The following SYT7 variants were observed in gnomAD, a reference collection of about 807,000 sequenced individuals.
The protein encoded by SYT7 is synaptotagmin 7, also known as synaptotagmin-7.
SYT7 carries 29 observed loss-of-function variants against 75.1 expected under a neutral mutation model. The observed-to-expected ratio is 0.39, with a 90% CI of 0.29 to 0.53. The LOEUF is 0.53. Ranked by LOEUF, SYT7 falls within the 20% of genes least tolerant of loss-of-function variation. The probability of loss-of-function intolerance (pLI) is 0.77; values close to 1 mark genes in which losing one functional copy is unlikely to be tolerated. For synonymous variants in SYT7, 376 were observed against 401.7 expected, an observed-to-expected ratio of 0.94 and a Z score of 0.76; for missense variants, 693 against 953.2, an observed-to-expected ratio of 0.73 and a Z score of 3.59.
At chr11:61,547,767 A>G (rs2063235421) in intron 3 of SYT7, among the ~76,000 whole-genome samples, 1 of 152,152 alleles carries the variant, frequency 6.6e-6, no homozygotes, top group African/African-American at 2.4e-5. Flanking sequence ...CCCAGGTGCC[A>G]ACTTGCTGGG....
At position 61,518,504 on chromosome 11, in the gene SYT7, G is replaced by A; in HGVS notation, c.*123C>T. On this transcript the variant is annotated 3_prime_UTR_variant, in exon 13 of 13. Transcript: ENST00000539008. Reference sequence around the variant, plus strand: ...CAGTTGAGTCCTGGGACCCCTCCCTGGCTGAGCCCTCAGGGTCCTCCCCTC... The same window carrying A: ...CAGTTGAGTCCTGGGACCCCTCCCTAGCTGAGCCCTCAGGGTCCTCCCCTC... The A allele has an allele frequency of 1.6e-6, 1 of 629,462 alleles. No individual in the cohort carries two copies. The highest frequency in any genetic ancestry group is 2.6e-6 in the Non-Finnish European group (1 of 386,672). 39.0% of individuals were successfully genotyped at this position (629,462 alleles called of 1,614,324 possible). A position where few individuals can be genotyped will look rare whatever the true frequency, so the allele number is the denominator to read the frequency against.
chr11:61,574,600 G>A (rs939573261), intron 1 of SYT7, among the ~76,000 whole-genome samples: 31 of 151,854 alleles, frequency 2.0e-4, no homozygotes, highest in Non-Finnish European at 2.8e-4. Flanking sequence ...GGGTCCCTTG[G>A]CTGCCATCCC....
chr11:61,524,000 C>G lies in SYT7; in HGVS notation c.1642-59G>C, dbSNP rs2062430326. 6.6e-7 allele frequency: 1 copy of G among 1,514,654 alleles called. No individual in the cohort carries two copies. The highest frequency in any genetic ancestry group is 1.1e-5 in the South Asian group (1 of 88,240). 93.8% of individuals were successfully genotyped at this position (1,514,654 alleles called of 1,614,324 possible). A position where few individuals can be genotyped will look rare whatever the true frequency, so the allele number is the denominator to read the frequency against. On this transcript the variant is annotated intron_variant, in intron 10 of 12. Transcript: ENST00000539008. This position sits in a 1 kb window ranked among gnomAD's most constrained non-coding sequence, Gnocchi z 5.0. ...AGGCTAGCAGAGCTCTCTGATTGGC[C>G]TAGCTGCCCCCAGGTCCCCTCTACC...
chr11:61,524,658 G>A lies in SYT7; in HGVS notation c.1472-126C>T. The A allele has an allele frequency of 1.1e-6, 1 of 876,060 alleles. No homozygotes were observed. The highest frequency in any genetic ancestry group is 1.7e-6 in the Non-Finnish European group (1 of 580,460). 54.3% of individuals were successfully genotyped at this position (876,060 alleles called of 1,614,324 possible). On this transcript the variant is annotated intron_variant, in intron 9 of 12. Coordinates refer to ENST00000539008, the MANE Select transcript of SYT7 (RefSeq NM_001365809.2). This position sits in a 1 kb window ranked among gnomAD's most constrained non-coding sequence, Gnocchi z 4.1. ...CTCCCGCTGCCACCCCACCGGGCCAGCAGGCACACCGGATTGCAATTAGAC... is the reference window on the plus strand; with the variant it reads ...CTCCCGCTGCCACCCCACCGGGCCAACAGGCACACCGGATTGCAATTAGAC...
Position 61,524,847 on chromosome 11 carries a change from C to T in SYT7, c.1472-315G>A. 4.3e-6 allele frequency: 1 copy of T among 234,200 alleles called. No homozygotes were observed. The allele number at this position is 234,200 out of a possible 1,614,324, so 14.5% of individuals were successfully genotyped here. On this transcript the variant is annotated intron_variant, in intron 9 of 12. Coordinates refer to ENST00000539008, the MANE Select transcript of SYT7 (RefSeq NM_001365809.2). This position sits in a 1 kb window ranked among gnomAD's most constrained non-coding sequence, Gnocchi z 4.1. ...GAGTAGAACTGCGATCATCCATTCA[C>T]CCATGCACCTTGTGTCCATCTCAGT...
intron 2 of SYT7, among the ~76,000 whole-genome samples, chr11:61,552,152 G>GGTAC (rs1430271584): frequency 6.6e-6 from 1 of 152,100 alleles, no homozygotes; most frequent in Non-Finnish European, 1.5e-5. Context: ...GCAGCGGGTG[G>GGTAC]GTACCCCAGG....
chr11:61,514,216 C>T lies in SYT7; in HGVS notation c.*4411G>A, dbSNP rs2062105614. On this transcript the variant is annotated 3_prime_UTR_variant, in exon 13 of 13. Transcript: ENST00000539008. ...TGTCTCTGACTTCAGGCTCAGTTTT[C>T]CAGGGCTGCTTTCATGGAGAGCGCC... Among the ~76,000 whole-genome samples, 1 of 152,258 alleles carries T rather than the reference C, an allele frequency of 6.6e-6. No individual in the cohort carries two copies. The highest frequency in any genetic ancestry group is 1.5e-5 in the Non-Finnish European group (1 of 68,054).
intron 2 of SYT7, among the ~76,000 whole-genome samples, chr11:61,555,620 G>T (rs1288312855): frequency 6.6e-6 from 1 of 152,210 alleles, no homozygotes; most frequent in Non-Finnish European, 1.5e-5. Flanking sequence ...GGATGTGCGG[G>T]GGTGGGGCGG....
rs555295621 is a variant in SYT7, at chr11:61,576,006, G to GTCCT, written c.31+4780_31+4783dup. ...CTCCCGGTCCATTCTATCCCAAGGGGTCCTTCCAGGTGGAGGCTGCAGAGA... is the reference window on the plus strand; with the variant it reads ...CTCCCGGTCCATTCTATCCCAAGGGGTCCTTCCTTCCAGGTGGAGGCTGCAGAGA... On this transcript the variant is annotated intron_variant, in intron 1 of 12. Coordinates refer to ENST00000539008, the MANE Select transcript of SYT7 (RefSeq NM_001365809.2). This position sits in a 1 kb window ranked among gnomAD's most constrained non-coding sequence, Gnocchi z 4.1. Among the ~76,000 whole-genome samples the GTCCT allele has an allele frequency of 1.4e-4, 21 of 152,306 alleles. No homozygotes were observed. In the South Asian group the frequency reaches 3.1e-3, roughly 23 times the overall value.
At chr11:61,559,451 A>C (rs879413083) in intron 1 of SYT7, among the ~76,000 whole-genome samples, 1 of 152,174 alleles carries the variant, frequency 6.6e-6, no homozygotes, top group Non-Finnish European at 1.5e-5. Flanking sequence ...GGGCTTGTCT[A>C]TCCAGCTGAG....
At chr11:61,581,840 A>C (rs1358278877), upstream of SYT7, among the ~76,000 whole-genome samples, 1 of 152,092 alleles carries the variant, frequency 6.6e-6, no homozygotes, top group Non-Finnish European at 1.5e-5. Context: ...GGAGGGTAGG[A>C]AGGAAATCCC....
chr11:61,515,675 G>A lies in SYT7; in HGVS notation c.*2952C>T, dbSNP rs930828079. On this transcript the variant is annotated 3_prime_UTR_variant, in exon 13 of 13. Coordinates refer to ENST00000539008, the MANE Select transcript of SYT7 (RefSeq NM_001365809.2). Reference sequence around the variant, plus strand: ...CCCTTCCCTGGCATCTGGTGCCAGAGGGCAGGTGCGGGGGTCCTGGGGCGG... The same window carrying A: ...CCCTTCCCTGGCATCTGGTGCCAGAAGGCAGGTGCGGGGGTCCTGGGGCGG... 4 of 152,614 alleles carry A rather than the reference G, an allele frequency of 2.6e-5. No homozygotes were observed. The highest frequency in any genetic ancestry group is 9.7e-5 in the African/African-American group (4 of 41,440). The allele number at this position is 152,614 out of a possible 1,614,324, so 9.5% of individuals were successfully genotyped here. A position where few individuals can be genotyped will look rare whatever the true frequency, so the allele number is the denominator to read the frequency against.
rs772169087 is a variant in SYT7, at chr11:61,542,362, G to T, written c.790C>A (p.Pro264Thr). 6.5e-7 allele frequency: 1 copy of T among 1,530,698 alleles called. No individual in the cohort carries two copies. Among genetic ancestry groups the T allele is most frequent in the Non-Finnish European group, 8.7e-7 (1 of 1,144,470 alleles). The allele number at this position is 1,530,698 out of a possible 1,614,324, so 94.8% of individuals were successfully genotyped here. A position where few individuals can be genotyped will look rare whatever the true frequency, so the allele number is the denominator to read the frequency against. ...GCCTGGCCCCGGCCATAGGCCCGGG[G>T]GTTGGGGCCTGGTGCCGAGGCCATG... The part of the protein sequence containing the change: ...AHMASAPGPN[P>T]RAYGRGQARQ... Residue 264 changes from proline (P) to threonine (T), a missense_variant, in exon 6 of 13, where the codon CCC becomes ACC. Around this residue, in one of 2 missense-constraint regions of SYT7, gnomAD observed 487 missense variants for 593.2 expected, o/e 0.82. Transcript: ENST00000539008. This position sits in a 1 kb window ranked among gnomAD's most constrained non-coding sequence, Gnocchi z 7.8.
chr11:61,522,847 C>T (rs2062388370), intron 12 of SYT7, among the ~76,000 whole-genome samples: 1 of 152,176 alleles, frequency 6.6e-6, no homozygotes, highest in South Asian at 2.1e-4. Flanking sequence ...GGCAGTCTGT[C>T]CTGAGCTGAC....
At chr11:61,534,402 TAC>T (rs1359025837) in intron 7 of SYT7, among the ~76,000 whole-genome samples, 1 of 144,200 alleles carries the variant, frequency 6.9e-6, no homozygotes, top group Non-Finnish European at 1.5e-5. Flanking sequence ...CACACACATG[TAC>T]ACACGCACGC....
At position 61,555,786 on chromosome 11, in the gene SYT7, T is replaced by C. The variant is rs907597038; in HGVS notation, c.135+318A>G. Among the ~76,000 whole-genome samples, 11 of 152,070 alleles carry C rather than the reference T, an allele frequency of 7.2e-5. No individual in the cohort carries two copies. The East Asian group carries it at 1.4e-3, about 19-fold the overall frequency. On this transcript the variant is annotated intron_variant, in intron 2 of 12. Transcript: ENST00000539008. ...GGGAGGCAGGGCGTGTGTGTGTGTG[T>C]GCGCGTGTGTGTAGCTGCTCGCGTG...
At position 61,524,084 on chromosome 11, in the gene SYT7, C is replaced by A; in HGVS notation, c.1642-143G>T. 1.2e-6 allele frequency: 1 copy of A among 818,208 alleles called. No homozygotes were observed. Among genetic ancestry groups the A allele is most frequent in the Non-Finnish European group, 2.0e-6 (1 of 507,472 alleles). The allele number at this position is 818,208 out of a possible 1,614,324, so 50.7% of individuals were successfully genotyped here. A position where few individuals can be genotyped will look rare whatever the true frequency, so the allele number is the denominator to read the frequency against. On this transcript the variant is annotated intron_variant, in intron 10 of 12. Coordinates refer to ENST00000539008, the MANE Select transcript of SYT7 (RefSeq NM_001365809.2). The surrounding 1 kb of genome is among the most constrained non-coding windows in gnomAD (Gnocchi z 4.1). ...CACCTCTGTCTCACTCTGTCTCCCC[C>A]CATCTGGCAGGTGTGTGTACTGCCC...
intron 5 of SYT7, among the ~76,000 whole-genome samples, chr11:61,545,787 G>A (rs1369395822): frequency 6.6e-6 from 1 of 152,250 alleles, no homozygotes; most frequent in Admixed American, 6.5e-5. Flanking sequence ...GAATGACCTG[G>A]TCACTGGCAA....
At chr11:61,557,611 G>T (rs915247711) in intron 1 of SYT7, among the ~76,000 whole-genome samples, 1 of 152,122 alleles carries the variant, frequency 6.6e-6, no homozygotes, top group Non-Finnish European at 1.5e-5. Context: ...TCCTAGTTGT[G>T]GGGAAAGACC....
Sources: gnomAD v4.1 joint callset for allele counts (sites outside exome capture counted in the v4.1 genomes callset) on GRCh38, gnomAD v4.1.1 for gene constraint, gnomAD v4.1.1 regional missense constraint, Gnocchi (gnomAD v3.1) non-coding constraint, MANE v1.5 for transcripts, NCBI Gene and HGNC (gene_info 2026-07-23, HGNC 2026-07-21) for gene names.